Variants in PCDH15 observed in about 807,000 individuals in gnomAD.
The protein encoded by PCDH15 is protocadherin-15.
PCDH15 carries 129 observed loss-of-function variants against 178.5 expected under a neutral mutation model. That is an observed-to-expected ratio of 0.72 (90% CI 0.63 to 0.84). PCDH15 has a LOEUF of 0.84. Among genes scored for constraint, PCDH15 ranks in the 40% least tolerant of loss-of-function variants. PCDH15 has a pLI of 0.00. For missense variants in PCDH15, 2,230 were observed against 2,099.9 expected, an observed-to-expected ratio of 1.06 and a Z score of -1.21; for synonymous variants, 800 against 732.0, an observed-to-expected ratio of 1.09 and a Z score of -1.50.
intron 3 of PCDH15, among the ~76,000 whole-genome samples, chr10:54,840,330 G>C (rs1442641276): frequency 6.6e-6 from 1 of 151,974 alleles, no homozygotes; most frequent in African/African-American, 2.4e-5. Context: ...AGATGTAAAA[G>C]TGTAGAGTTT....
At chr10:54,566,412 G>A (rs1565614610) in intron 2 of PCDH15, among the ~76,000 whole-genome samples, 2 of 152,074 alleles carry the variant, frequency 1.3e-5, no homozygotes, top group Non-Finnish European at 2.9e-5. Flanking sequence ...TTGACTAAAT[G>A]TATAATGAGA....
chr10:54,968,708 T>C (rs909730721), intron 2 of PCDH15, among the ~76,000 whole-genome samples: 1 of 152,160 alleles, frequency 6.6e-6, no homozygotes, highest in Admixed American at 6.5e-5. Flanking sequence ...AGCCATTGTG[T>C]CATAAAATAC....
chr10:54,887,164 T>C (rs1433292121), intron 3 of PCDH15, among the ~76,000 whole-genome samples: 1 of 152,188 alleles, frequency 6.6e-6, no homozygotes, highest in Non-Finnish European at 1.5e-5. Flanking sequence ...TTTGCACTTC[T>C]GGATTGAATC....
intron 21 of PCDH15, among the ~76,000 whole-genome samples, chr10:53,968,425 G>A (rs1447258897): frequency 2.0e-5 from 3 of 152,206 alleles, no homozygotes; most frequent in Admixed American, 6.5e-5. Flanking sequence ...ACCTCTGGGG[G>A]CAGGGCAGAG....
intron 1 of PCDH15, among the ~76,000 whole-genome samples, chr10:54,739,799 A>G (rs1009878885): frequency 1.3e-5 from 2 of 152,054 alleles, no homozygotes; most frequent in African/African-American, 4.8e-5. Flanking sequence ...ATACTTTTCA[A>G]TGAATGGTGC....
At chr10:54,804,664 A>C (rs1227261152), upstream of PCDH15, among the ~76,000 whole-genome samples, 1 of 151,862 alleles carries the variant, frequency 6.6e-6, no homozygotes, top group Non-Finnish European at 1.5e-5. Context: ...TTGTATTAGA[A>C]TTTTGTGAGT....
chr10:55,350,998 TCTCCTCCCCCTCCCTCTCTCCCTGC>T (rs1844914722), intron 2 of PCDH15, among the ~76,000 whole-genome samples: 1 of 97,104 alleles, frequency 1.0e-5, no homozygotes, highest in Non-Finnish European at 2.0e-5. Context: ...CCTCCCCCTG[TCTCCTCCCCCTCCCTCTCTCCCTGC>T]TTCCTCCCCC....
At chr10:55,286,750 A>T (rs1441625970) in intron 1 of PCDH15, among the ~76,000 whole-genome samples, 1 of 151,894 alleles carries the variant, frequency 6.6e-6, no homozygotes, top group Non-Finnish European at 1.5e-5. Flanking sequence ...TTGCATAATC[A>T]ATTTTCATAT....
intron 1 of PCDH15, among the ~76,000 whole-genome samples, chr10:54,760,483 T>C (rs12414724): frequency 0.028 from 4,257 of 152,290 alleles, 86 homozygotes; most frequent in Non-Finnish European, 0.042. Context: ...ACAACAGAAG[T>C]GGATACTAAA....
At chr10:54,952,964 C>A (rs997549041) in intron 2 of PCDH15, among the ~76,000 whole-genome samples, 1 of 151,530 alleles carries the variant, frequency 6.6e-6, no homozygotes, top group Non-Finnish European at 1.5e-5. Context: ...TTCTTTTCTT[C>A]CCAATCTGTA....
chr10:54,822,026 T>G (rs1953050540), intron 3 of PCDH15, among the ~76,000 whole-genome samples: 1 of 152,128 alleles, frequency 6.6e-6, no homozygotes, highest in Non-Finnish European at 1.5e-5. Context: ...ATGTTTTAAT[T>G]TATAAGGATA....
At chr10:54,519,386 A>G (rs2082593486) in intron 3 of PCDH15, among the ~76,000 whole-genome samples, 2 of 151,386 alleles carry the variant, frequency 1.3e-5, no homozygotes. Context: ...AAATCAATGT[A>G]CAAAAATCAC....
chr10:54,862,448 G>A (rs1953859370), intron 3 of PCDH15, among the ~76,000 whole-genome samples: 2 of 152,268 alleles, frequency 1.3e-5, no homozygotes, highest in African/African-American at 4.8e-5. Context: ...TAGCTGAGAA[G>A]GTGTGAATAG....
At chr10:54,677,947 A>AGT (rs1235398128) in intron 1 of PCDH15, among the ~76,000 whole-genome samples, 1 of 152,112 alleles carries the variant, frequency 6.6e-6, no homozygotes, top group Non-Finnish European at 1.5e-5. Context: ...TCATAATCAC[A>AGT]ATCTTTGAAA....
chr10:55,480,864 G>C (rs769195419), intron 2 of PCDH15, among the ~76,000 whole-genome samples: 2 of 151,772 alleles, frequency 1.3e-5, no homozygotes, highest in Non-Finnish European at 2.9e-5. Context: ...ATGAGTTAGG[G>C]AGGAATCTCT....
chr10:54,856,390 A>G (rs1041894822), intron 3 of PCDH15, among the ~76,000 whole-genome samples: 1 of 152,222 alleles, frequency 6.6e-6, no homozygotes, highest in African/African-American at 2.4e-5. Flanking sequence ...CCATCTCTAG[A>G]GAATAGAATA....
chr10:54,367,602 A>G (rs1946995164), intron 5 of PCDH15, among the ~76,000 whole-genome samples: 1 of 151,972 alleles, frequency 6.6e-6, no homozygotes, highest in Non-Finnish European at 1.5e-5. Flanking sequence ...TGGGAGTTGA[A>G]CAATGAGAAC....
intron 2 of PCDH15, among the ~76,000 whole-genome samples, chr10:55,132,185 C>T (rs1591927853): frequency 6.6e-6 from 1 of 152,314 alleles, no homozygotes; most frequent in African/African-American, 2.4e-5. Flanking sequence ...TGGCCCACCA[C>T]TGCCATCACA....
chr10:54,190,060 T>G (rs1022336215), intron 11 of PCDH15, among the ~76,000 whole-genome samples: 7 of 151,464 alleles, frequency 4.6e-5, no homozygotes, highest in African/African-American at 7.3e-5. Context: ...TTGGAATTCT[T>G]TCTGACTTAA....
Sources: gnomAD v4.1 joint callset for allele counts (sites outside exome capture counted in the v4.1 genomes callset) on GRCh38, gnomAD v4.1.1 for gene constraint, MANE v1.5 for transcripts, NCBI Gene and HGNC (gene_info 2026-07-23, HGNC 2026-07-21) for gene names.